DIAPH3: variants seen among roughly 807,000 people sequenced by gnomAD.
DIAPH3 encodes the protein protein diaphanous homolog 3.
Under a neutral mutation model 144.3 loss-of-function variants are expected in DIAPH3, and 117 were observed. That is an observed-to-expected ratio of 0.81 (90% CI 0.70 to 0.95). The LOEUF is 0.95. DIAPH3 is among the 40% of genes least tolerant of loss of function. The pLI is 0.00. For synonymous variants in DIAPH3, 519 were observed against 488.9 expected, an observed-to-expected ratio of 1.06 and a Z score of -0.81; for missense variants, 1,421 against 1,412.7, an observed-to-expected ratio of 1.01 and a Z score of -0.09.
intron 22 of DIAPH3, among the ~76,000 whole-genome samples, chr13:59,851,613 A>G (rs1471480575): frequency 6.7e-6 from 1 of 148,288 alleles, no homozygotes; most frequent in African/African-American, 2.5e-5. Flanking sequence ...TAAATGACTG[A>G]TTCAACAATG....
intron 1 of DIAPH3, among the ~76,000 whole-genome samples, chr13:60,149,201 C>A (rs1273808501): frequency 2.6e-5 from 4 of 152,036 alleles, no homozygotes; most frequent in African/African-American, 9.7e-5. Flanking sequence ...TGTGGATGGG[C>A]CAAAAACAGC....
At chr13:59,885,917 A>G (rs1211580251) in intron 20 of DIAPH3, among the ~76,000 whole-genome samples, 1 of 152,116 alleles carries the variant, frequency 6.6e-6, no homozygotes, top group East Asian at 1.9e-4. Context: ...GACCCCAGAA[A>G]TGTGATAGCA....
chr13:60,007,886 T>G (rs1177753096), intron 9 of DIAPH3, among the ~76,000 whole-genome samples: 1 of 152,296 alleles, frequency 6.6e-6, no homozygotes, highest in Admixed American at 6.5e-5. Flanking sequence ...TGAAAAGCCC[T>G]AATCGACCTA....
At chr13:60,082,426 A>T (rs2057591769) in intron 4 of DIAPH3, among the ~76,000 whole-genome samples, 1 of 151,944 alleles carries the variant, frequency 6.6e-6, no homozygotes, top group East Asian at 1.9e-4. Context: ...AAAGAAAAAG[A>T]GCATACTGCA....
At chr13:60,066,783 G>A (rs1457704106) in intron 4 of DIAPH3, among the ~76,000 whole-genome samples, 1 of 152,114 alleles carries the variant, frequency 6.6e-6, no homozygotes, top group Non-Finnish European at 1.5e-5. Flanking sequence ...ATCTAAAACA[G>A]ATATTTATTT....
chr13:59,814,991 T>C (rs2040691823), intron 24 of DIAPH3, among the ~76,000 whole-genome samples: 1 of 152,248 alleles, frequency 6.6e-6, no homozygotes, highest in South Asian at 2.1e-4. Flanking sequence ...TCTGGTTTCA[T>C]CTATGTTGTT....
At chr13:59,876,777 G>A (rs936530900) in intron 21 of DIAPH3, among the ~76,000 whole-genome samples, 6 of 152,164 alleles carry the variant, frequency 3.9e-5, no homozygotes, top group Non-Finnish European at 7.3e-5. Context: ...AAAACCTAAA[G>A]AGGATCACAG....
chr13:59,965,584 GATAC>G (rs2050001845), intron 17 of DIAPH3, among the ~76,000 whole-genome samples: 1 of 150,618 alleles, frequency 6.6e-6, no homozygotes, highest in African/African-American at 2.4e-5. Context: ...TTATTTTGAT[GATAC>G]CAAATGTTCA....
intron 18 of DIAPH3, among the ~76,000 whole-genome samples, chr13:59,916,527 T>C (rs1413551924): frequency 2.0e-5 from 3 of 152,104 alleles, no homozygotes; most frequent in African/African-American, 4.8e-5. Flanking sequence ...ACCATAGGAA[T>C]GATGTCAATT....
At chr13:59,800,269 T>C (rs2039836818) in intron 25 of DIAPH3, among the ~76,000 whole-genome samples, 1 of 152,234 alleles carries the variant, frequency 6.6e-6, no homozygotes, top group African/African-American at 2.4e-5. Context: ...ATTTTCCCCT[T>C]CTTTTCTTAC....
intron 27 of DIAPH3, among the ~76,000 whole-genome samples, chr13:59,733,808 A>G (rs972265905): frequency 5.3e-5 from 8 of 152,244 alleles, no homozygotes; most frequent in African/African-American, 1.2e-4. Flanking sequence ...CTAAATGAGC[A>G]CCATGTTCTT....
At chr13:59,692,481 A>G (rs1459658046) in intron 27 of DIAPH3, among the ~76,000 whole-genome samples, 1 of 151,030 alleles carries the variant, frequency 6.6e-6, no homozygotes, top group Non-Finnish European at 1.5e-5. Context: ...AAGGCTCACA[A>G]CTATAATCCA....
At chr13:59,963,808 T>C (rs958391865) in intron 17 of DIAPH3, among the ~76,000 whole-genome samples, 1 of 152,222 alleles carries the variant, frequency 6.6e-6, no homozygotes, top group Non-Finnish European at 1.5e-5. Context: ...TCCTCCTGTC[T>C]TGGCCTCCCA....
At chr13:60,149,126 A>C (rs368172228) in intron 1 of DIAPH3, among the ~76,000 whole-genome samples, 1 of 152,218 alleles carries the variant, frequency 6.6e-6, no homozygotes, top group Non-Finnish European at 1.5e-5. Context: ...TTTCTTTCAC[A>C]ATGGTAAACA....
At chr13:59,973,637 T>C (rs918865345) in intron 15 of DIAPH3, among the ~76,000 whole-genome samples, 5 of 152,116 alleles carry the variant, frequency 3.3e-5, no homozygotes, top group African/African-American at 1.2e-4. Context: ...GCCAGTAAGA[T>C]AGGATATAGT....
At chr13:59,984,489 CAGTTA>C (rs1210495413) in intron 12 of DIAPH3, among the ~76,000 whole-genome samples, 2 of 151,328 alleles carry the variant, frequency 1.3e-5, no homozygotes, top group Non-Finnish European at 3.0e-5. Context: ...GTTGTCATTA[CAGTTA>C]AGTCTAGTCC....
chr13:59,725,718 A>G (rs1014721606), intron 27 of DIAPH3, among the ~76,000 whole-genome samples: 6 of 152,184 alleles, frequency 3.9e-5, no homozygotes, highest in African/African-American at 1.2e-4. Context: ...GTAGCTAGGG[A>G]TATCAAAATG....
intron 4 of DIAPH3, among the ~76,000 whole-genome samples, chr13:60,062,218 A>C (rs2056801875): frequency 6.6e-6 from 1 of 152,172 alleles, no homozygotes; most frequent in South Asian, 2.1e-4. Flanking sequence ...ATTTTAAAAA[A>C]TTTTTGTAAT....
intron 22 of DIAPH3, among the ~76,000 whole-genome samples, chr13:59,841,393 C>A (rs1158544759): frequency 6.6e-6 from 1 of 151,836 alleles, no homozygotes; most frequent in Non-Finnish European, 1.5e-5. Context: ...GAGTTCAAGA[C>A]CAGCCTGGAC....
Sources: gnomAD v4.1 joint callset for allele counts (sites outside exome capture counted in the v4.1 genomes callset) on GRCh38, gnomAD v4.1.1 for gene constraint, MANE v1.5 for transcripts, NCBI Gene and HGNC (gene_info 2026-07-23, HGNC 2026-07-21) for gene names.